The following RLN1 variants were observed in gnomAD, a reference collection of about 807,000 sequenced individuals.
The protein encoded by RLN1 is prorelaxin H1.
Under a neutral mutation model 7.2 loss-of-function variants are expected in RLN1, and 4 were observed. The ratio of observed to expected loss-of-function variants is 0.56; its 90% confidence interval spans 0.28 to 1.28. The LOEUF is 1.28. Among genes scored for constraint, RLN1 ranks in the 50% most tolerant of loss-of-function variants. The probability of loss-of-function intolerance (pLI) is 0.11; values close to 1 mark genes in which losing one functional copy is unlikely to be tolerated. For synonymous variants in RLN1, 105 were observed against 86.0 expected, an observed-to-expected ratio of 1.22 and a Z score of -1.22; for missense variants, 293 against 221.1, an observed-to-expected ratio of 1.32 and a Z score of -2.06.
chr9:5,335,701 T>C (rs1358075734), intron 1 of RLN1, 104 bp from the exon 2 acceptor site: 5 of 688,734 alleles, frequency 7.3e-6, no homozygotes, highest in Non-Finnish European at 1.2e-5. Context: ...AAGCATTGCC[T>C]CAATATAAAT....
At chr9:5,340,118 C>G (rs950134492), upstream of RLN1, among the ~76,000 whole-genome samples, 1 of 152,160 alleles carries the variant, frequency 6.6e-6, no homozygotes, top group Non-Finnish European at 1.5e-5. Context: ...TTTACATACA[C>G]AGAAATAAAA....
At chr9:5,339,965 C>T (rs767458827), upstream of RLN1, 13 of 591,766 alleles carry the variant, frequency 2.2e-5, no homozygotes, top group East Asian at 3.1e-4. Context: ...TCTCCTTCAG[C>T]TCTTGTTCTG....
chr9:5,335,258 T>C lies in RLN1; in HGVS notation c.551A>G (p.Tyr184Cys). ...TGCACAATTAGCTTCATCTCAGCAA[T>C]ATTTAGCAAGAGACCTTTTGGTACA... ...IGCTKRSLAK[Y>C]C is the part of the protein sequence containing the mutation. The change falls in exon 2 of 2, where the codon TAT becomes TGT. Residue 184 changes from tyrosine (Y) to cysteine (C), a missense_variant. By Grantham distance (194) the Tyr-to-Cys change is radical. Transcript: ENST00000223862. 6.3e-7 allele frequency: 1 copy of C among 1,580,546 alleles called. No homozygotes were observed. Among genetic ancestry groups the C allele is most frequent in the Non-Finnish European group, 8.6e-7 (1 of 1,165,334 alleles).
rs371390590 is a variant in RLN1, at chr9:5,339,402, G to C, written c.211+134C>G. On this transcript the variant is annotated intron_variant, in intron 1 of 1. Transcript: ENST00000223862. ...GCCCAAACTTTAGGGACCAGCCACG[G>C]CTGAGTAGGGGCTGAGCGGTGGCAG... 2.4e-4 allele frequency: 148 copies of C among 605,500 alleles called. 1 individual carries two copies. The highest frequency in any genetic ancestry group is 2.3e-3 in the East Asian group (82 of 34,986). The allele number at this position is 605,500 out of a possible 1,614,324, so 37.5% of individuals were successfully genotyped here.
chr9:5,337,550 C>A (rs569361720), intron 1 of RLN1, among the ~76,000 whole-genome samples: 1 of 151,910 alleles, frequency 6.6e-6, no homozygotes, highest in African/African-American at 2.4e-5. Context: ...TACTTTGGCA[C>A]ACATTGTAAG....
At position 5,339,578 on chromosome 9, in the gene RLN1, G is replaced by C. The variant is rs2131036568; in HGVS notation, c.169C>G (p.Leu57Val). ...GTCTGAGGAGCATCTTCCTGGCTCA[G>C]AGACCTTTTGCTCCAGGTGCTCATG... ...CGMSTWSKRSLSQEDAPQTPR... is the reference protein window; with the variant it reads ...CGMSTWSKRSVSQEDAPQTPR... Residue 57 changes from leucine (L) to valine (V), a missense_variant, in exon 1 of 2, where the codon CTG becomes GTG. Coordinates refer to ENST00000223862, the MANE Select transcript of RLN1 (RefSeq NM_006911.4). 2 of 1,608,074 alleles carry C rather than the reference G, an allele frequency of 1.2e-6. No homozygotes were observed. The highest frequency in any genetic ancestry group is 1.1e-5 in the South Asian group (1 of 90,788).
Position 5,339,711 on chromosome 9 carries a change from G to A in RLN1, c.36C>T (p.Phe12=), listed in dbSNP as rs1360378180. The change falls in exon 1 of 2, where the codon TTC becomes TTT. Residue 12 remains phenylalanine, a synonymous_variant. Coordinates refer to ENST00000223862, the MANE Select transcript of RLN1 (RefSeq NM_006911.4). ...PRLFLFHLLE[F]CLLLNQFSRA... is the part of the protein sequence containing the mutation. ...TGGAAAATTGGTTCAGTAGTAAACA[G>A]AATTCTAGCAGGTGGAACAAGAACA... The A allele has an allele frequency of 3.1e-6, 5 of 1,613,370 alleles. No individual in the cohort carries two copies. Among genetic ancestry groups the A allele is most frequent in the Non-Finnish European group, 4.2e-6 (5 of 1,180,036 alleles).
At chr9:5,338,075 TTAATA>T (rs1240946961) in intron 1 of RLN1, among the ~76,000 whole-genome samples, 11 of 147,162 alleles carry the variant, frequency 7.5e-5, no homozygotes, top group East Asian at 4.0e-4. Flanking sequence ...ACTTACTTGT[TTAATA>T]TAATTTCATT....
At position 5,335,223 on chromosome 9, in the gene RLN1, A is replaced by T; in HGVS notation, c.*28T>A. 7.1e-7 allele frequency: 1 copy of T among 1,408,596 alleles called. No individual in the cohort carries two copies. Among genetic ancestry groups the T allele is most frequent in the African/African-American group, 1.4e-5 (1 of 69,364 alleles). The allele number at this position is 1,408,596 out of a possible 1,614,324, so 87.3% of individuals were successfully genotyped here. ...GTCATCAAGACTATGTGTGAAAATT[A>T]GACAAGATGTGCACAATTAGCTTCA... On this transcript the variant is annotated 3_prime_UTR_variant, in exon 2 of 2. Transcript: ENST00000223862.
chr9:5,335,339 G>A lies in RLN1; in HGVS notation c.470C>T (p.Ser157Phe), dbSNP rs774289575. 8.7e-6 allele frequency: 14 copies of A among 1,612,586 alleles called. No individual in the cohort carries two copies. Among genetic ancestry groups the A allele is most frequent in the African/African-American group, 1.3e-5 (1 of 74,766 alleles). ...ELKYLGLDTH[S>F]QKKRRPYVAL... ...CACGTAGGGTCGTCTCTTTTTTTGA[G>A]AATGAGTATCCAAGCCTAAGTATTT... The change falls in exon 2 of 2, where the codon TCT (serine) becomes TTT (phenylalanine). Residue 157 changes from serine to phenylalanine, a missense_variant. Transcript: ENST00000223862.
rs1563753929 is a variant in RLN1, at chr9:5,335,311, TGCCAC to T, written c.493_497del (p.Val165ThrfsTer3). On this transcript the variant is annotated frameshift_variant, in exon 2 of 2. Transcript: ENST00000223862. LOFTEE classifies it low-confidence loss of function (END_TRUNC). ...CAATTAGGCAACATTTCTCAAACAG[TGCCAC>T]GTAGGGTCGTCTCTTTTTTTGAGAA... 3 of 1,608,824 alleles carry T rather than the reference TGCCAC, an allele frequency of 1.9e-6. No individual in the cohort carries two copies. In the African/African-American group the frequency reaches 4.0e-5, roughly 22 times the overall value.
intron 1 of RLN1, among the ~76,000 whole-genome samples, chr9:5,336,153 C>T (rs1463330033): frequency 6.6e-6 from 1 of 151,972 alleles, no homozygotes; most frequent in South Asian, 2.1e-4. Flanking sequence ...AGAAGGAAAT[C>T]TCTGATGTTC....
intron 1 of RLN1, among the ~76,000 whole-genome samples, chr9:5,336,798 G>A (rs1427576920): frequency 6.6e-6 from 1 of 151,896 alleles, no homozygotes; most frequent in Non-Finnish European, 1.5e-5. Context: ...GAGAAGAGAG[G>A]AGTAAATCTA....
Position 5,335,613 on chromosome 9 carries a change from A to G in RLN1, c.212-16T>C. On this transcript the variant is annotated splice_polypyrimidine_tract_variant and intron_variant, in intron 1 of 1. Transcript: ENST00000223862. The stretch of plus-strand genomic sequence containing the variant: ...GGTACAATTTCTGTTAAGTTTAAAA[A>G]AAAAGTGTATGTGAAGGCGTATTCA... The G allele has an allele frequency of 6.4e-7, 1 of 1,555,982 alleles. No homozygotes were observed. The highest frequency in any genetic ancestry group is 8.8e-7 in the Non-Finnish European group (1 of 1,136,762).
rs776811773 is a variant in RLN1 at position 5,335,655 on chromosome 9, G to A, written c.212-58C>T. The stretch of plus-strand genomic sequence containing the variant: ...GCGTATTCACGTCAAAGAGCATTCA[G>A]AAAAACTGTGAATGTTTGCATACAC... On this transcript the variant is annotated intron_variant, in intron 1 of 1. Transcript: ENST00000223862. 15 of 1,024,144 alleles carry A rather than the reference G, an allele frequency of 1.5e-5. No homozygotes were observed. The Admixed American group carries it at 2.2e-4, about 15-fold the overall frequency. 63.4% of individuals were successfully genotyped at this position (1,024,144 alleles called of 1,614,324 possible).
intron 1 of RLN1, 34 bp from the exon 2 acceptor site, chr9:5,335,631 C>G (rs371742833): frequency 2.2e-6 from 3 of 1,388,654 alleles, no homozygotes; most frequent in Non-Finnish European, 3.0e-6. Context: ...TATGTGAAGG[C>G]GTATTCACGT....
At chr9:5,340,083 T>G (rs992014631), upstream of RLN1, among the ~76,000 whole-genome samples, 1 of 152,230 alleles carries the variant, frequency 6.6e-6, no homozygotes, top group Non-Finnish European at 1.5e-5. Flanking sequence ...TTAGGTAAAG[T>G]TATTTTAGAT....
intron 1 of RLN1, among the ~76,000 whole-genome samples, chr9:5,336,317 C>A (rs1379770297): frequency 1.3e-5 from 2 of 152,034 alleles, no homozygotes; most frequent in Admixed American, 6.6e-5. Context: ...AGTGTACTGA[C>A]TAATGTTTTC....
chr9:5,335,400 G>C lies in RLN1; in HGVS notation c.409C>G (p.Gln137Glu). 1 of 1,613,476 alleles carries C rather than the reference G, an allele frequency of 6.2e-7. No homozygotes were observed. Among genetic ancestry groups the C allele is most frequent in the South Asian group, 1.1e-5 (1 of 91,028 alleles). Residue 137 changes from glutamine (Q) to glutamate (E), a missense_variant, in exon 2 of 2, where the codon CAA becomes GAA. Transcript: ENST00000223862. ...EEFKKLIRNR[Q>E]SEAADSNPSE... is the part of the protein sequence containing the mutation. ...GGATTGCTGTCTGCGGCTTCACTTT[G>C]CCTATTGCGAATAAGTTTCTTAAAT...
Sources: allele counts gnomAD v4.1 joint callset (sites outside exome capture counted in the v4.1 genomes callset), GRCh38; gene constraint gnomAD v4.1.1; transcripts MANE v1.5; gene names NCBI Gene and HGNC (gene_info 2026-07-23, HGNC 2026-07-21).